GRIK4: variants seen among roughly 807,000 people sequenced by gnomAD.
The protein encoded by GRIK4 is glutamate ionotropic receptor kainate type subunit 4, also known as glutamate receptor ionotropic, kainate 4.
In GRIK4, 40 loss-of-function variants were observed where a neutral mutation model predicts 104.9. The observed-to-expected ratio is 0.38, with a 90% CI of 0.30 to 0.50. GRIK4 has a LOEUF of 0.50. Among genes scored for constraint, GRIK4 ranks in the 20% least tolerant of loss-of-function variants. GRIK4 has a pLI of 0.93. For missense variants in GRIK4, 1,047 were observed against 1,308.1 expected, an observed-to-expected ratio of 0.80 and a Z score of 3.08; for synonymous variants, 485 against 524.9, an observed-to-expected ratio of 0.92 and a Z score of 1.04.
intron 4 of GRIK4, among the ~76,000 whole-genome samples, chr11:120,814,340 C>T (rs1952888486): frequency 6.6e-6 from 1 of 152,164 alleles, no homozygotes; most frequent in Non-Finnish European, 1.5e-5. Context: ...TGGCTCATGC[C>T]TGTAATCCCA....
At chr11:120,736,723 A>G (rs1951227725) in intron 3 of GRIK4, among the ~76,000 whole-genome samples, 1 of 152,150 alleles carries the variant, frequency 6.6e-6, no homozygotes, top group African/African-American at 2.4e-5. Context: ...GTAAGGTTGT[A>G]GATCTGGACT....
intron 3 of GRIK4, among the ~76,000 whole-genome samples, chr11:120,674,669 T>C (rs1950071625): frequency 6.6e-6 from 1 of 152,248 alleles, no homozygotes; most frequent in Admixed American, 6.5e-5. Context: ...TAGCAACAGT[T>C]ATAAATTTCC....
chr11:120,860,422 C>T (rs2135628198), intron 8 of GRIK4, among the ~76,000 whole-genome samples: 1 of 152,270 alleles, frequency 6.6e-6, no homozygotes, highest in Middle Eastern at 3.4e-3. Context: ...TGCACTCACA[C>T]CTGCAGGCTA....
At chr11:120,634,607 G>A (rs1949373706) in intron 1 of GRIK4, among the ~76,000 whole-genome samples, 1 of 152,126 alleles carries the variant, frequency 6.6e-6, no homozygotes, top group Non-Finnish European at 1.5e-5. Context: ...TGTTCCTCTA[G>A]GGACCCACTC....
At chr11:120,704,080 C>T (rs1398487802) in intron 3 of GRIK4, among the ~76,000 whole-genome samples, 2 of 152,184 alleles carry the variant, frequency 1.3e-5, no homozygotes, top group Non-Finnish European at 2.9e-5. Flanking sequence ...GCTCATCTGT[C>T]AATTTGTTCA....
chr11:120,652,057 C>T (rs1949627315), intron 1 of GRIK4, among the ~76,000 whole-genome samples: 1 of 152,206 alleles, frequency 6.6e-6, no homozygotes, highest in Non-Finnish European at 1.5e-5. Flanking sequence ...TGGCAAGTTA[C>T]ACAACCTCTC....
intron 13 of GRIK4, among the ~76,000 whole-genome samples, chr11:120,923,387 G>A (rs150041391): frequency 1.0e-4 from 15 of 150,612 alleles, no homozygotes; most frequent in African/African-American, 3.2e-4. Context: ...CCCATGCTAG[G>A]CCCGATCCAT....
In GRIK4 at chr11:120,605,753, G is replaced by A. The variant is rs541508555; in HGVS notation, c.-158-47932G>A. On this transcript the variant is annotated intron_variant, in intron 1 of 20. Coordinates refer to ENST00000527524, the MANE Select transcript of GRIK4 (RefSeq NM_014619.5). ...TTCAGCCACGCTGGGCACAGAGCGT[G>A]GAGAGGTGGCACAAGCTTGCCGTGG... is the stretch of plus-strand genomic sequence containing the variant. Among the ~76,000 whole-genome samples the A allele has an allele frequency of 5.3e-5, 8 of 152,376 alleles. No individual in the cohort carries two copies. In the South Asian group the frequency reaches 1.7e-3, roughly 32 times the overall value.
In GRIK4 at chr11:120,956,414, A is replaced by G. The variant is rs1303075124; in HGVS notation, c.1701-366A>G. ...GAGACGGGTTTTCGCTGTGTTGCCC[A>G]GGCTGGTCTCGAATCCCTGGACTCA... On this transcript the variant is annotated intron_variant, in intron 15 of 20. Coordinates refer to ENST00000527524, the MANE Select transcript of GRIK4 (RefSeq NM_014619.5). The surrounding 1 kb of genome is among the most constrained non-coding windows in gnomAD (Gnocchi z 4.6). 1.3e-5 allele frequency among the ~76,000 whole-genome samples: 2 copies of G among 152,014 alleles called. No homozygotes were observed. Among genetic ancestry groups the G allele is most frequent in the African/African-American group, 2.4e-5 (1 of 41,384 alleles).
intron 8 of GRIK4, among the ~76,000 whole-genome samples, chr11:120,847,634 A>C (rs1240144430): frequency 6.6e-6 from 1 of 152,242 alleles, no homozygotes; most frequent in Non-Finnish European, 1.5e-5. Flanking sequence ...AGCAGATTGC[A>C]TGAGAAATTG....
chr11:120,919,204 A>G (rs974793742), intron 13 of GRIK4, among the ~76,000 whole-genome samples: 2 of 151,064 alleles, frequency 1.3e-5, no homozygotes, highest in African/African-American at 4.8e-5. Flanking sequence ...TCTGAAATGT[A>G]TGCCAAGTTT....
At chr11:120,785,106 C>T (rs1047313864) in intron 3 of GRIK4, among the ~76,000 whole-genome samples, 6 of 152,276 alleles carry the variant, frequency 3.9e-5, no homozygotes, top group Admixed American at 2.0e-4. Context: ...TCCCATAAGT[C>T]GTCCAGAAGG....
chr11:120,571,101 C>T (rs761582992), intron 1 of GRIK4, among the ~76,000 whole-genome samples: 6 of 152,194 alleles, frequency 3.9e-5, no homozygotes, highest in Non-Finnish European at 5.9e-5. Flanking sequence ...GGACTGCTTG[C>T]CTTGTAGGCC....
At chr11:120,568,580 G>T (rs1948359952) in intron 1 of GRIK4, among the ~76,000 whole-genome samples, 1 of 152,030 alleles carries the variant, frequency 6.6e-6, no homozygotes, top group South Asian at 2.1e-4. Context: ...TAGAGACAGG[G>T]TTTCACCATG....
chr11:120,945,676 C>G (rs912346402), intron 14 of GRIK4, among the ~76,000 whole-genome samples: 1 of 152,182 alleles, frequency 6.6e-6, no homozygotes, highest in Non-Finnish European at 1.5e-5. Context: ...CTGGCCTTTA[C>G]CCCTGTAGGT....
intron 6 of GRIK4, among the ~76,000 whole-genome samples, chr11:120,825,206 A>G (rs1953226105): frequency 6.6e-6 from 1 of 152,178 alleles, no homozygotes; most frequent in East Asian, 1.9e-4. Flanking sequence ...GGTTACAGGC[A>G]TGAACCACCG....
intron 1 of GRIK4, among the ~76,000 whole-genome samples, chr11:120,571,187 A>G (rs1169086343): frequency 6.6e-6 from 1 of 152,066 alleles, no homozygotes; most frequent in Non-Finnish European, 1.5e-5. Flanking sequence ...CCTGATTTAC[A>G]TTCCCTATTT....
intron 3 of GRIK4, among the ~76,000 whole-genome samples, chr11:120,674,119 C>T (rs1454847236): frequency 6.6e-6 from 1 of 152,194 alleles, no homozygotes; most frequent in Non-Finnish European, 1.5e-5. Flanking sequence ...CCATTAGTGC[C>T]TTTGATGGTT....
In GRIK4 at chr11:120,962,527, G is replaced by A. The variant is rs755023411; in HGVS notation, c.2112G>A (p.Lys704=). 1 of 1,614,150 alleles carries A rather than the reference G, an allele frequency of 6.2e-7. No homozygotes were observed. The highest frequency in any genetic ancestry group is 2.2e-5 in the East Asian group (1 of 44,884). ...MYSKQPSVFV[K]STEEGIARVL... is the part of the protein sequence containing the mutation. ...CCAAGCAGCCCAGCGTGTTCGTGAAGAGCACAGAGGAGGGAATCGCCAGGG... is the reference window on the plus strand; with the variant it reads ...CCAAGCAGCCCAGCGTGTTCGTGAAAAGCACAGAGGAGGGAATCGCCAGGG... Residue 704 remains lysine, a synonymous_variant, in exon 18 of 21, where the codon AAG becomes AAA. Coordinates refer to ENST00000527524, the MANE Select transcript of GRIK4 (RefSeq NM_014619.5).
Sources: allele counts gnomAD v4.1 joint callset (sites outside exome capture counted in the v4.1 genomes callset), GRCh38; gene constraint gnomAD v4.1.1; non-coding constraint Gnocchi (gnomAD v3.1); transcripts MANE v1.5; gene names NCBI Gene and HGNC (gene_info 2026-07-23, HGNC 2026-07-21).